NRXN3: variants seen among roughly 807,000 people sequenced by gnomAD.
NRXN3 encodes the protein neurexin 3.
Under a neutral mutation model 137.6 loss-of-function variants are expected in NRXN3, and 32 were observed. That is an observed-to-expected ratio of 0.23 (90% CI 0.18 to 0.31). The LOEUF is 0.31. Ranked by LOEUF, NRXN3 falls within the 10% of genes least tolerant of loss-of-function variation. The pLI is 1.00. For missense variants in NRXN3, 1,574 were observed against 2,062.5 expected, an observed-to-expected ratio of 0.76 and a Z score of 4.59; for synonymous variants, 798 against 784.5, an observed-to-expected ratio of 1.02 and a Z score of -0.29.
intron 15 of NRXN3, among the ~76,000 whole-genome samples, chr14:79,206,769 A>G (rs2066856460): frequency 6.6e-6 from 1 of 152,048 alleles, no homozygotes; most frequent in Non-Finnish European, 1.5e-5. Flanking sequence ...AGAGCGTTCA[A>G]TTTTTAATTA....
At chr14:78,728,900 AAAAC>A (rs961754445) in intron 8 of NRXN3, among the ~76,000 whole-genome samples, 37 of 152,270 alleles carry the variant, frequency 2.4e-4, no homozygotes, top group African/African-American at 8.7e-4. Flanking sequence ...CTCCATCTCA[AAAAC>A]AAACAAACAA....
At chr14:79,398,537 A>G (rs1341834586) in intron 15 of NRXN3, among the ~76,000 whole-genome samples, 2 of 152,134 alleles carry the variant, frequency 1.3e-5, no homozygotes, top group African/African-American at 4.8e-5. Context: ...CACTAGTAAC[A>G]AAGAGAAAGT....
intron 3 of NRXN3, among the ~76,000 whole-genome samples, chr14:78,297,274 A>G (rs2076436502): frequency 6.6e-6 from 1 of 152,202 alleles, no homozygotes; most frequent in African/African-American, 2.4e-5. Flanking sequence ...TATTTGATAC[A>G]TTCCATATGA....
chr14:79,776,146 T>C (rs751035308), intron 19 of NRXN3, among the ~76,000 whole-genome samples: 1 of 152,220 alleles, frequency 6.6e-6, no homozygotes. Context: ...CAGCTTTCTC[T>C]GAGTTAATTA....
At chr14:78,382,590 A>G (rs986902454) in intron 4 of NRXN3, among the ~76,000 whole-genome samples, 8 of 152,220 alleles carry the variant, frequency 5.3e-5, no homozygotes, top group African/African-American at 1.9e-4. Context: ...AGTAGTGTAA[A>G]TAAGAGATTT....
intron 16 of NRXN3, among the ~76,000 whole-genome samples, chr14:79,480,497 T>C (rs1021939659): frequency 6.6e-6 from 1 of 152,144 alleles, no homozygotes; most frequent in Non-Finnish European, 1.5e-5. Flanking sequence ...TGAGGTTTAG[T>C]TGAGAAAAGA....
chr14:78,960,358 C>T (rs907382560), intron 11 of NRXN3, among the ~76,000 whole-genome samples: 2 of 152,174 alleles, frequency 1.3e-5, no homozygotes, highest in African/African-American at 4.8e-5. Context: ...AAAATACCCA[C>T]AGTCCTCAAG....
At chr14:78,533,099 CT>C (rs71452898) in intron 4 of NRXN3, among the ~76,000 whole-genome samples, 1,861 of 120,024 alleles carry the variant, frequency 0.016, 27 homozygotes, top group African/African-American at 0.048. Context: ...TCCCTCCAGC[CT>C]TTTTTTTTTT....
chr14:79,288,052 A>T (rs1217591591), intron 15 of NRXN3, among the ~76,000 whole-genome samples: 2 of 152,190 alleles, frequency 1.3e-5, no homozygotes, highest in Non-Finnish European at 2.9e-5. Flanking sequence ...TGCATCTTAA[A>T]CCTATCTGAG....
chr14:78,668,244 T>G (rs2097904584), intron 6 of NRXN3, among the ~76,000 whole-genome samples: 1 of 152,228 alleles, frequency 6.6e-6, no homozygotes, highest in African/African-American at 2.4e-5. Context: ...CTTATGAAGT[T>G]TAAATTGCTT....
intron 4 of NRXN3, among the ~76,000 whole-genome samples, chr14:78,495,529 A>G (rs912428237): frequency 6.6e-6 from 1 of 152,186 alleles, no homozygotes; most frequent in East Asian, 1.9e-4. Context: ...AGTGAGTAAC[A>G]GAACAATGTT....
chr14:79,265,917 T>G (rs1054732745), intron 15 of NRXN3, among the ~76,000 whole-genome samples: 7 of 152,188 alleles, frequency 4.6e-5, no homozygotes, highest in Non-Finnish European at 8.8e-5. Flanking sequence ...CTTTGTCATC[T>G]ATAGTCATTT....
At chr14:79,740,949 T>G (rs2098961226) in intron 19 of NRXN3, among the ~76,000 whole-genome samples, 1 of 151,508 alleles carries the variant, frequency 6.6e-6, no homozygotes, top group Non-Finnish European at 1.5e-5. Context: ...ATTATTAATG[T>G]ACATCACATA....
chr14:79,589,716 A>G (rs1176135783), intron 16 of NRXN3, among the ~76,000 whole-genome samples: 1 of 152,102 alleles, frequency 6.6e-6, no homozygotes, highest in Admixed American at 6.6e-5. Context: ...ATGCAATTCA[A>G]TTTAAATTTA....
intron 16 of NRXN3, among the ~76,000 whole-genome samples, chr14:79,505,116 G>A (rs1162413825): frequency 2.6e-5 from 4 of 151,682 alleles, no homozygotes; most frequent in East Asian, 3.9e-4. Context: ...TGGGGAGGCC[G>A]AGGCAGGAGA....
intron 16 of NRXN3, among the ~76,000 whole-genome samples, chr14:79,503,947 A>G (rs570693865): frequency 1.3e-5 from 2 of 152,208 alleles, no homozygotes; most frequent in East Asian, 1.9e-4. Flanking sequence ...TAATTTCTCC[A>G]TTTTTATTTC....
chr14:79,376,644 G>C (rs1025903609), intron 15 of NRXN3, among the ~76,000 whole-genome samples: 4 of 152,010 alleles, frequency 2.6e-5, no homozygotes, highest in African/African-American at 9.7e-5. Context: ...TTTTAATTCT[G>C]TTTTCAAAAC....
intron 16 of NRXN3, among the ~76,000 whole-genome samples, chr14:79,468,022 G>C (rs2096453165): frequency 6.6e-6 from 1 of 152,196 alleles, no homozygotes; most frequent in Non-Finnish European, 1.5e-5. Context: ...TAATAAATGT[G>C]TGATAAAAAC....
chr14:78,547,148 T>A (rs2096643487), intron 4 of NRXN3, among the ~76,000 whole-genome samples: 1 of 152,178 alleles, frequency 6.6e-6, no homozygotes, highest in South Asian at 2.1e-4. Flanking sequence ...GAGTTGATGA[T>A]CATGGTCGTA....
Sources: gnomAD v4.1 joint callset for allele counts (sites outside exome capture counted in the v4.1 genomes callset) on GRCh38, gnomAD v4.1.1 for gene constraint, MANE v1.5 for transcripts, NCBI Gene and HGNC (gene_info 2026-07-23, HGNC 2026-07-21) for gene names.